The following WASL variants were observed in gnomAD, a reference collection of about 807,000 sequenced individuals.
WASL encodes WASP like actin nucleation promoting factor, also known as actin nucleation-promoting factor WASL.
In WASL, 20 loss-of-function variants were observed where a neutral mutation model predicts 55.5. That is an observed-to-expected ratio of 0.36 (90% CI 0.25 to 0.52). The LOEUF (loss-of-function observed/expected upper bound fraction) is 0.52. Among genes scored for constraint, WASL ranks in the 20% least tolerant of loss-of-function variants. The probability of loss-of-function intolerance (pLI) is 0.92; values close to 1 mark genes in which losing one functional copy is unlikely to be tolerated. For synonymous variants in WASL, 249 were observed against 217.6 expected (o/e 1.14, Z -1.27); for missense variants, 504 against 622.5 (o/e 0.81, Z 2.03).
intron 1 of WASL, among the ~76,000 whole-genome samples, chr7:123,723,187 T>C (rs1028135673): frequency 3.3e-5 from 5 of 152,244 alleles, no homozygotes; most frequent in Admixed American, 6.5e-5. Context: ...TATTATCAGA[T>C]GTATCATTGC....
chr7:123,735,039 T>C (rs1804202930), intron 1 of WASL, among the ~76,000 whole-genome samples: 1 of 143,504 alleles, frequency 7.0e-6, no homozygotes, highest in African/African-American at 2.6e-5. Flanking sequence ...AATATAAATA[T>C]AAACAAACAA....
intron 1 of WASL, among the ~76,000 whole-genome samples, chr7:123,739,963 A>T (rs1484458865): frequency 6.7e-6 from 1 of 149,318 alleles, no homozygotes; most frequent in African/African-American, 2.5e-5. Context: ...TTTTGTGCAT[A>T]ATTTTTGTCT....
intron 1 of WASL, among the ~76,000 whole-genome samples, chr7:123,713,468 A>G (rs563261592): frequency 2.8e-4 from 42 of 152,288 alleles, no homozygotes; most frequent in Non-Finnish European, 5.3e-4. Context: ...TATATTTTCA[A>G]TAAATATCCA....
rs374246670 is a variant in WASL, at chr7:123,692,409, C to T, written c.1285G>A (p.Val429Met). 9.9e-6 allele frequency: 16 copies of T among 1,613,852 alleles called. No individual in the cohort carries two copies. In the African/African-American group the frequency reaches 1.7e-4, roughly 18 times the overall value. ...AGTGCATCTCGTCCAGAGCAGGACA[C>T]TGGCCGACTGTTCTGCTCCACTTTT... ...LKKVEQNSRP[V>M]SCSGRDALLD... Residue 429 changes from valine to methionine, a missense_variant, in exon 9 of 11, where the codon GTG (valine) becomes ATG (methionine). This residue lies in a region of WASL where 201 missense variants were observed against 206.2 expected (regional missense o/e 0.97). Coordinates refer to ENST00000223023, the MANE Select transcript of WASL (RefSeq NM_003941.4).
chr7:123,712,712 C>A (rs949733059), intron 1 of WASL, among the ~76,000 whole-genome samples: 2 of 152,096 alleles, frequency 1.3e-5, no homozygotes, highest in Non-Finnish European at 2.9e-5. Context: ...TGGTCCTCTC[C>A]CCAGAGCCAT....
Position 123,682,558 on chromosome 7 carries a change from C to A in WASL, c.*1961G>T, listed in dbSNP as rs1001046398. 1 of 152,092 alleles carries A rather than the reference C, an allele frequency of 6.6e-6. No homozygotes were observed. Among genetic ancestry groups the A allele is most frequent in the African/African-American group, 2.4e-5 (1 of 41,418 alleles). 9.4% of individuals were successfully genotyped at this position (152,092 alleles called of 1,614,324 possible). On this transcript the variant is annotated 3_prime_UTR_variant, in exon 11 of 11. Coordinates refer to ENST00000223023, the MANE Select transcript of WASL (RefSeq NM_003941.4). Reference sequence around the variant, plus strand: ...ATTATACCAAAGTCAGCTGGAAAATCTAGAATTTCTTGGCCACAAGTTAAG... The same window carrying A: ...ATTATACCAAAGTCAGCTGGAAAATATAGAATTTCTTGGCCACAAGTTAAG...
chr7:123,721,942 C>T lies in WASL; in HGVS notation c.118-12719G>A, dbSNP rs545026474. On this transcript the variant is annotated intron_variant, in intron 1 of 10. Coordinates refer to ENST00000223023, the MANE Select transcript of WASL (RefSeq NM_003941.4). The stretch of plus-strand genomic sequence containing the variant: ...ATTGGGAATGATTTCACTTTGAGTC[C>T]ACACAGATCTTTTACACTGTTACTG... 3.3e-4 allele frequency among the ~76,000 whole-genome samples: 50 copies of T among 151,992 alleles called. 1 individual carries two copies. The East Asian group carries it at 9.3e-3, about 28-fold the overall frequency.
chr7:123,699,914 C>T (rs1262684547), intron 5 of WASL, among the ~76,000 whole-genome samples: 3 of 152,050 alleles, frequency 2.0e-5, no homozygotes, highest in African/African-American at 4.8e-5. Context: ...CGGTGGCTCA[C>T]GCCTGTAATC....
Position 123,714,380 on chromosome 7 carries a change from C to T in WASL, c.118-5157G>A, listed in dbSNP as rs781183480. Among the ~76,000 whole-genome samples, 9 of 151,818 alleles carry T rather than the reference C, an allele frequency of 5.9e-5. No homozygotes were observed. The East Asian group carries it at 1.2e-3, about 20-fold the overall frequency. Reference sequence around the variant, plus strand: ...AGAGAAAACAAACAAAAACAGTACACGTTTTAAAAAGAATATGGCAATGAC... The same window carrying T: ...AGAGAAAACAAACAAAAACAGTACATGTTTTAAAAAGAATATGGCAATGAC... On this transcript the variant is annotated intron_variant, in intron 1 of 10. Coordinates refer to ENST00000223023, the MANE Select transcript of WASL (RefSeq NM_003941.4).
At chr7:123,732,231 G>T (rs1191873667) in intron 1 of WASL, among the ~76,000 whole-genome samples, 2 of 152,216 alleles carry the variant, frequency 1.3e-5, no homozygotes, top group African/African-American at 4.8e-5. Context: ...TCAGAAGGCT[G>T]AGGCAGGAGA....
chr7:123,688,521 G>T (rs565286502), intron 10 of WASL, among the ~76,000 whole-genome samples: 1 of 151,878 alleles, frequency 6.6e-6, no homozygotes. Context: ...CCACCACGCC[G>T]GCTAACTTTT....
chr7:123,688,986 C>T (rs1407350790), intron 10 of WASL, 56 bp downstream of exon 10: 3 of 1,392,202 alleles, frequency 2.2e-6, no homozygotes, highest in Non-Finnish European at 3.0e-6. Context: ...ATTTATTAAA[C>T]ACACACGCAC....
intron 1 of WASL, among the ~76,000 whole-genome samples, chr7:123,719,391 T>C (rs149766608): frequency 1.3e-5 from 2 of 152,298 alleles, no homozygotes; most frequent in African/African-American, 4.8e-5. Flanking sequence ...TTTCACTTGG[T>C]CACTGTTCAA....
intron 10 of WASL, among the ~76,000 whole-genome samples, chr7:123,685,278 T>C (rs1803267690): frequency 6.6e-6 from 1 of 151,920 alleles, no homozygotes; most frequent in South Asian, 2.1e-4. Context: ...TGATGCTACC[T>C]CCCTCCATAA....
At chr7:123,708,380 T>C (rs1803704598) in intron 2 of WASL, among the ~76,000 whole-genome samples, 1 of 152,182 alleles carries the variant, frequency 6.6e-6, no homozygotes, top group Non-Finnish European at 1.5e-5. Flanking sequence ...AAGGCAGTTT[T>C]AGTTTTTTGT....
chr7:123,737,138 T>C (rs978474997), intron 1 of WASL, among the ~76,000 whole-genome samples: 1 of 152,120 alleles, frequency 6.6e-6, no homozygotes, highest in Non-Finnish European at 1.5e-5. Context: ...ACCCTAACAA[T>C]AGCTGATGAA....
rs1803213839 is a variant in WASL at position 123,682,598 on chromosome 7, G to A, written c.*1921C>T. The A allele has an allele frequency of 3.9e-5, 6 of 151,918 alleles. No individual in the cohort carries two copies. The highest frequency in any genetic ancestry group is 8.8e-5 in the Non-Finnish European group (6 of 67,974). 9.4% of individuals were successfully genotyped at this position (151,918 alleles called of 1,614,324 possible). A position where few individuals can be genotyped will look rare whatever the true frequency, so the allele number is the denominator to read the frequency against. On this transcript the variant is annotated 3_prime_UTR_variant, in exon 11 of 11. Transcript: ENST00000223023. ...CACAAGTTAAGAGAGATCTTAAATT[G>A]GCATTACCCTGAAGACATTTCTAGG... is the stretch of plus-strand genomic sequence containing the variant.
chr7:123,712,755 A>G (rs1329441164), intron 1 of WASL, among the ~76,000 whole-genome samples: 1 of 152,164 alleles, frequency 6.6e-6, no homozygotes, highest in Non-Finnish European at 1.5e-5. Context: ...CACTGCTGCA[A>G]TGGCCCAAAA....
chr7:123,742,561 AC>A (rs1035971582), intron 1 of WASL, among the ~76,000 whole-genome samples: 1 of 152,208 alleles, frequency 6.6e-6, no homozygotes, highest in Admixed American at 6.5e-5. Flanking sequence ...TATCACTAAT[AC>A]AATTTCATCC....
Sources: gnomAD v4.1 joint callset for allele counts (sites outside exome capture counted in the v4.1 genomes callset) on GRCh38, gnomAD v4.1.1 for gene constraint, gnomAD v4.1.1 regional missense constraint, MANE v1.5 for transcripts, NCBI Gene and HGNC (gene_info 2026-07-23, HGNC 2026-07-21) for gene names.